Variants in TSGA10 observed in about 807,000 individuals in gnomAD.
TSGA10 encodes testis specific 10.
TSGA10 carries 43 observed loss-of-function variants against 96.6 expected under a neutral mutation model. The ratio of observed to expected loss-of-function variants is 0.44; its 90% CI spans 0.35 to 0.57. TSGA10 has a LOEUF of 0.57. TSGA10 is among the 20% of genes least tolerant of loss of function. The pLI, the probability that TSGA10 is intolerant of heterozygous loss-of-function variation, is 0.01. For synonymous variants in TSGA10, 229 were observed against 269.9 expected (o/e 0.85, Z 1.48); for missense variants, 703 against 834.4 (o/e 0.84, Z 1.94).
At chr2:99,097,209 C>T (rs897193267) in intron 10 of TSGA10, among the ~76,000 whole-genome samples, 2 of 151,954 alleles carry the variant, frequency 1.3e-5, no homozygotes, top group Non-Finnish European at 2.9e-5. Flanking sequence ...TATTAATGAC[C>T]TGAATCTGAA....
intron 5 of TSGA10, among the ~76,000 whole-genome samples, chr2:99,110,521 G>C (rs1190238385): frequency 6.6e-6 from 1 of 152,092 alleles, no homozygotes; most frequent in Non-Finnish European, 1.5e-5. Context: ...ACTATTAAGG[G>C]GGATAAAAGT....
intron 10 of TSGA10, among the ~76,000 whole-genome samples, chr2:99,082,723 A>G (rs982510294): frequency 5.3e-5 from 8 of 152,156 alleles, no homozygotes; most frequent in African/African-American, 1.9e-4. Context: ...AAACAATCCA[A>G]CCTTAGTGGG....
chr2:99,047,723 C>T (rs763124934), intron 16 of TSGA10, among the ~76,000 whole-genome samples: 1 of 152,062 alleles, frequency 6.6e-6, no homozygotes, highest in Non-Finnish European at 1.5e-5. Context: ...CTGGCCAGGG[C>T]AATCAGGCAG....
intron 17 of TSGA10, among the ~76,000 whole-genome samples, chr2:99,027,580 G>A (rs1253166385): frequency 6.6e-6 from 1 of 152,126 alleles, no homozygotes; most frequent in Non-Finnish European, 1.5e-5. Context: ...TGATTGATAT[G>A]TTATTAGCTT....
chr2:99,114,680 C>T (rs1184985620), intron 4 of TSGA10, among the ~76,000 whole-genome samples: 1 of 152,106 alleles, frequency 6.6e-6, no homozygotes, highest in African/African-American at 2.4e-5. Flanking sequence ...TAAATCCTAG[C>T]TCTTATATTT....
At chr2:99,130,004 T>C (rs552934729) in intron 1 of TSGA10, among the ~76,000 whole-genome samples, 3 of 152,232 alleles carry the variant, frequency 2.0e-5, no homozygotes. Flanking sequence ...CCATGGTGTA[T>C]ATGTGCCACA....
At chr2:99,064,662 A>T (rs1553457205) in intron 16 of TSGA10, among the ~76,000 whole-genome samples, 1 of 152,150 alleles carries the variant, frequency 6.6e-6, no homozygotes, top group African/African-American at 2.4e-5. Flanking sequence ...TACATGTGGG[A>T]GCTGGGGATA....
At position 99,070,233 on chromosome 2, in the gene TSGA10, A is replaced by G. The variant is rs139015641; in HGVS notation, c.1108-1235T>C. Among the ~76,000 whole-genome samples the G allele has an allele frequency of 1.4e-3, 206 of 152,304 alleles. 6 individuals carry two copies. In the South Asian group the frequency reaches 0.018, roughly 13 times the overall value. ...AGCTATAAAATATTTATTGAGTGAT[A>G]TACTGGACAGTACAGTAAGTGCTTT... On this transcript the variant is annotated intron_variant, in intron 14 of 20. Transcript: ENST00000393483.
intron 1 of TSGA10, among the ~76,000 whole-genome samples, chr2:99,146,080 C>A (rs74945539): frequency 6.6e-5 from 10 of 152,112 alleles, no homozygotes; most frequent in Non-Finnish European, 8.8e-5. Flanking sequence ...GTCAGGAATT[C>A]GAGACCAGCC....
intron 1 of TSGA10, chr2:99,141,714 AG>A (rs2093563411): frequency 1.3e-5 from 2 of 152,858 alleles, no homozygotes; most frequent in Admixed American, 6.5e-5. Flanking sequence ...TGTCTCTCGC[AG>A]CCCCGCCTTC....
rs190142033 is a variant in TSGA10, at chr2:99,091,228, T to C, written c.612-9831A>G. Among the ~76,000 whole-genome samples, 21 of 152,226 alleles carry C rather than the reference T, an allele frequency of 1.4e-4. No homozygotes were observed. The East Asian group carries it at 3.7e-3, about 27-fold the overall frequency. On this transcript the variant is annotated intron_variant, in intron 10 of 20. Transcript: ENST00000393483. ...TTCAGACAAACAAATGCAGAGAGAA[T>C]ATACCACTACCAAGCCAGCACTACA...
At chr2:99,072,138 G>A (rs1009194158) in intron 13 of TSGA10, among the ~76,000 whole-genome samples, 2 of 152,114 alleles carry the variant, frequency 1.3e-5, no homozygotes, top group Non-Finnish European at 2.9e-5. Flanking sequence ...TCAAGTATTA[G>A]GAAGGCTTTC....
intron 7 of TSGA10, among the ~76,000 whole-genome samples, chr2:99,108,077 C>A (rs1291765676): frequency 6.6e-6 from 1 of 152,106 alleles, no homozygotes; most frequent in African/African-American, 2.4e-5. Flanking sequence ...CACTTTGTAT[C>A]TTTTAATAAA....
intron 10 of TSGA10, among the ~76,000 whole-genome samples, chr2:99,099,759 A>AC (rs1387678149): frequency 1.3e-5 from 2 of 152,272 alleles, no homozygotes; most frequent in Admixed American, 1.3e-4. Flanking sequence ...TATAAGAATT[A>AC]GAGAGGCAGG....
rs564016414 is a variant in TSGA10 at position 99,093,972 on chromosome 2, T to C, written c.611+9995A>G. Among the ~76,000 whole-genome samples the C allele has an allele frequency of 9.2e-4, 140 of 152,100 alleles. 1 individual carries two copies. The highest frequency in any genetic ancestry group is 1.5e-3 in the Non-Finnish European group (104 of 67,950). The stretch of plus-strand genomic sequence containing the variant: ...CAAGACTAAGCAAAAAGAACAAACC[T>C]GGAGGCACTGCATTATCCAACTTCA... On this transcript the variant is annotated intron_variant, in intron 10 of 20. Transcript: ENST00000393483.
chr2:99,072,669 T>C (rs1355957099), intron 13 of TSGA10, among the ~76,000 whole-genome samples: 1 of 152,192 alleles, frequency 6.6e-6, no homozygotes, highest in Non-Finnish European at 1.5e-5. Flanking sequence ...CCAATACTCA[T>C]TTGTCTGTTA....
intron 1 of TSGA10, among the ~76,000 whole-genome samples, chr2:99,129,277 C>A (rs1010325306): frequency 3.3e-5 from 5 of 152,140 alleles, no homozygotes; most frequent in Non-Finnish European, 1.5e-5. Context: ...ATTTATTAGA[C>A]TCTTAAGAAC....
At chr2:99,051,430 A>G (rs187975730) in intron 16 of TSGA10, among the ~76,000 whole-genome samples, 1 of 152,290 alleles carries the variant, frequency 6.6e-6, no homozygotes, top group Non-Finnish European at 1.5e-5. Context: ...GCCATCAGAA[A>G]TGCGTAAGAA....
chr2:99,083,141 C>T (rs1201430632), intron 10 of TSGA10, among the ~76,000 whole-genome samples: 8 of 152,030 alleles, frequency 5.3e-5, no homozygotes, highest in African/African-American at 1.9e-4. Context: ...AGAATAAAGA[C>T]AATATTCAAC....
Sources: allele counts gnomAD v4.1 joint callset (sites outside exome capture counted in the v4.1 genomes callset), GRCh38; gene constraint gnomAD v4.1.1; transcripts MANE v1.5; gene names NCBI Gene and HGNC (gene_info 2026-07-23, HGNC 2026-07-21).